The following CSMD3 variants were observed in gnomAD, a reference collection of about 807,000 sequenced individuals.
CSMD3 encodes CUB and sushi domain-containing protein 3.
In CSMD3, 177 loss-of-function variants were observed where a neutral mutation model predicts 435.2. The observed-to-expected ratio is 0.41, with a 90% CI of 0.36 to 0.46. The LOEUF is 0.46. Ranked by LOEUF, CSMD3 falls within the 20% of genes least tolerant of loss-of-function variation. The pLI is 0.34. For synonymous variants in CSMD3, 1,656 were observed against 1,520.5 expected (o/e 1.09, Z -2.07); for missense variants, 4,265 against 4,504.6 (o/e 0.95, Z 1.52).
intron 6 of CSMD3, among the ~76,000 whole-genome samples, chr8:112,988,123 T>C (rs2085321271): frequency 1.3e-5 from 2 of 152,044 alleles, no homozygotes; most frequent in African/African-American, 4.8e-5. Flanking sequence ...CTAAATGGCT[T>C]TCTCCCCATA....
intron 31 of CSMD3, among the ~76,000 whole-genome samples, chr8:112,481,155 A>G (rs1819589933): frequency 6.6e-6 from 1 of 152,178 alleles, no homozygotes. Flanking sequence ...CACTTTGAGC[A>G]GGGGTATGTA....
Position 112,490,716 on chromosome 8 carries a change from T to G in CSMD3, c.5278+1773A>C, listed in dbSNP as rs1001709715. On this transcript the variant is annotated intron_variant, in intron 31 of 70. Coordinates refer to ENST00000297405, the MANE Select transcript of CSMD3 (RefSeq NM_198123.2). ...TTTTCTATAGTTTCCAAATGATCAT[T>G]GACAGTAAAATTTGAAAAGTTATTT... Among the ~76,000 whole-genome samples, 67 of 152,164 alleles carry G rather than the reference T, an allele frequency of 4.4e-4. 1 individual carries two copies. Among genetic ancestry groups the G allele is most frequent in the Admixed American group, 4.3e-3 (65 of 15,274 alleles).
At chr8:112,685,282 T>G in intron 15 of CSMD3, 124 bp downstream of exon 15, 330 of 719,758 alleles carry the variant, frequency 4.6e-4, no homozygotes, top group East Asian at 8.7e-4. Context: ...CTTGGCACAA[T>G]GAGATTTACA....
In CSMD3 at chr8:112,766,610, T is replaced by C. The variant is rs184358088; in HGVS notation, c.1972+33552A>G. On this transcript the variant is annotated intron_variant, in intron 13 of 70. Transcript: ENST00000297405. ...ACAATCAGCATCTTTACTAGCAATG[T>C]AACTATAATTCAGTGGACAATAAAC... is the stretch of plus-strand genomic sequence containing the variant. 8.7e-4 allele frequency among the ~76,000 whole-genome samples: 133 copies of C among 152,002 alleles called. 2 individuals are homozygous for C. Among genetic ancestry groups the C allele is most frequent in the East Asian group, 7.7e-4 (4 of 5,170 alleles).
rs1204255553 is a variant in CSMD3 at position 112,352,497 on chromosome 8, A to G, written c.6174T>C (p.Pro2058=). The G allele has an allele frequency of 6.2e-7, 1 of 1,613,664 alleles. No homozygotes were observed. The highest frequency in any genetic ancestry group is 8.5e-7 in the Non-Finnish European group (1 of 1,179,736). Residue 2058 remains proline, a synonymous_variant, in exon 39 of 71, where the codon CCT becomes CCC. Coordinates refer to ENST00000297405, the MANE Select transcript of CSMD3 (RefSeq NM_198123.2). ...GLDSCPEPQT[P]SSGIKIGDRY... ...TGTCTCCAATTTTAATTCCACTGCT[A>G]GGAGTTTGTGGTTCAGGACAGGAAT...
At chr8:112,991,263 A>C (rs2085447895) in intron 6 of CSMD3, among the ~76,000 whole-genome samples, 1 of 151,552 alleles carries the variant, frequency 6.6e-6, no homozygotes, top group African/African-American at 2.4e-5. Flanking sequence ...ATTTCATAGG[A>C]AGATCAATGT....
intron 3 of CSMD3, among the ~76,000 whole-genome samples, chr8:113,190,423 A>G (rs1376043076): frequency 6.6e-6 from 1 of 151,874 alleles, no homozygotes; most frequent in African/African-American, 2.4e-5. Flanking sequence ...TGCAAATGCA[A>G]TGACCTTGAA....
chr8:112,714,351 G>A (rs1055544166), intron 13 of CSMD3, among the ~76,000 whole-genome samples: 1 of 151,994 alleles, frequency 6.6e-6, no homozygotes, highest in African/African-American at 2.4e-5. Context: ...AATGGTAAAG[G>A]GATCAATTCA....
chr8:113,013,933 G>C (rs2086356116), intron 6 of CSMD3, among the ~76,000 whole-genome samples: 2 of 152,104 alleles, frequency 1.3e-5, no homozygotes, highest in South Asian at 2.1e-4. Context: ...AGGTCAGAAG[G>C]GCAGAAGTGA....
At chr8:112,533,283 G>T (rs1586618576) in intron 27 of CSMD3, among the ~76,000 whole-genome samples, 1 of 151,822 alleles carries the variant, frequency 6.6e-6, no homozygotes, top group African/African-American at 2.4e-5. Context: ...ATCAATAATG[G>T]CATTGAATGT....
chr8:112,806,073 T>TA (rs879697437), intron 12 of CSMD3, among the ~76,000 whole-genome samples: 383 of 146,104 alleles, frequency 2.6e-3, no homozygotes, highest in Middle Eastern at 0.011. Flanking sequence ...ATGTAGGCCT[T>TA]AAAAAAAAAA....
At chr8:113,168,175 G>A (rs2092190768) in intron 4 of CSMD3, among the ~76,000 whole-genome samples, 2 of 151,848 alleles carry the variant, frequency 1.3e-5, no homozygotes, top group Non-Finnish European at 2.9e-5. Context: ...CTGGGAGTGG[G>A]TTTAAGAAAA....
At chr8:112,973,356 C>A (rs1296410660) in intron 7 of CSMD3, among the ~76,000 whole-genome samples, 1 of 151,924 alleles carries the variant, frequency 6.6e-6, no homozygotes, top group African/African-American at 2.4e-5. Flanking sequence ...GACTCACTCT[C>A]TGCATACACA....
chr8:113,211,760 C>A (rs1347048440), intron 3 of CSMD3, among the ~76,000 whole-genome samples: 2 of 152,134 alleles, frequency 1.3e-5, no homozygotes, highest in African/African-American at 4.8e-5. Context: ...ACCTGAATAA[C>A]TTGATCCCAA....
At chr8:113,038,431 C>T (rs777549700) in intron 5 of CSMD3, among the ~76,000 whole-genome samples, 4 of 152,022 alleles carry the variant, frequency 2.6e-5, no homozygotes, top group Non-Finnish European at 4.4e-5. Context: ...AAAACAGATA[C>T]AGAGTCAGCT....
At chr8:112,420,058 A>G (rs1812313622) in intron 32 of CSMD3, among the ~76,000 whole-genome samples, 1 of 152,148 alleles carries the variant, frequency 6.6e-6, no homozygotes, top group South Asian at 2.1e-4. Context: ...CACATTTTGT[A>G]GAACATGTCT....
intron 32 of CSMD3, among the ~76,000 whole-genome samples, chr8:112,420,929 T>C (rs1812427081): frequency 6.6e-6 from 1 of 152,130 alleles, no homozygotes; most frequent in South Asian, 2.1e-4. Flanking sequence ...ACTCTGCATG[T>C]TGCCTCCTAC....
At chr8:113,342,512 A>ATACTG (rs2094126625) in intron 1 of CSMD3, among the ~76,000 whole-genome samples, 4 of 152,164 alleles carry the variant, frequency 2.6e-5, no homozygotes, top group Non-Finnish European at 5.9e-5. Flanking sequence ...ATTAACATAA[A>ATACTG]ATATTCCAAG....
intron 4 of CSMD3, among the ~76,000 whole-genome samples, chr8:113,153,385 AT>A (rs555935994): frequency 4.6e-4 from 70 of 152,220 alleles, no homozygotes; most frequent in Non-Finnish European, 6.3e-4. Context: ...GCCAAGATGC[AT>A]AATTATTATA....
Sources: allele counts gnomAD v4.1 joint callset (sites outside exome capture counted in the v4.1 genomes callset), GRCh38; gene constraint gnomAD v4.1.1; transcripts MANE v1.5; gene names NCBI Gene and HGNC (gene_info 2026-07-23, HGNC 2026-07-21).